RAB12: variants seen among roughly 807,000 people sequenced by gnomAD.
RAB12 encodes RAB12, member RAS oncogene family.
Under a neutral mutation model 28.4 loss-of-function variants are expected in RAB12, and 11 were observed. The observed-to-expected ratio is 0.39, with a 90% confidence interval of 0.24 to 0.64. The LOEUF (loss-of-function observed/expected upper bound fraction) is 0.64, where lower values mean the gene tolerates loss of function less well. RAB12 is among the 30% of genes least tolerant of loss of function. The pLI is 0.50. For synonymous variants in RAB12, 138 were observed against 145.3 expected (o/e 0.95, Z 0.36); for missense variants, 276 against 351.1 (o/e 0.79, Z 1.71).
In RAB12 at chr18:8,633,080, G is replaced by A. The variant is rs550512408; in HGVS notation, c.576-109G>A. 53 of 1,396,694 alleles carry A rather than the reference G, an allele frequency of 3.8e-5. No homozygotes were observed. The East Asian group carries it at 5.3e-4, about 14-fold the overall frequency. The allele number at this position is 1,396,694 out of a possible 1,614,324, so 86.5% of individuals were successfully genotyped here. On this transcript the variant is annotated intron_variant, in intron 2 of 5. Transcript: ENST00000649141. ...TCAAAGGGAAATAGGGGTTACTCTC[G>A]TTCTTTTTTCGCAGAAAAACTGCAG...
intron 2 of RAB12, 138 bp from the exon 3 acceptor site, chr18:8,633,051 C>CA: frequency 1.0e-6 from 1 of 980,130 alleles, no homozygotes; most frequent in Non-Finnish European, 1.6e-6. Flanking sequence ...GTGTGGTCAT[C>CA]AGGTCAAAGG....
Position 8,636,363 on chromosome 18 carries a change from A to G in RAB12, c.909+6A>G, listed in dbSNP as rs1567897955. The stretch of plus-strand genomic sequence containing the variant: ...TCGATGACATTCTGAAAAAGGTAAA[A>G]AAAAGAATCTACATTATAAAAGTAT... On this transcript the variant is annotated splice_donor_region_variant and intron_variant, in intron 5 of 5. Transcript: ENST00000649141. 1 of 1,505,848 alleles carries G rather than the reference A, an allele frequency of 6.6e-7. No individual in the cohort carries two copies. The highest frequency in any genetic ancestry group is 9.2e-7 in the Non-Finnish European group (1 of 1,088,506). The allele number at this position is 1,505,848 out of a possible 1,614,324, so 93.3% of individuals were successfully genotyped here.
At chr18:8,613,081 TTTGTA>T (rs1205907512) in intron 1 of RAB12, among the ~76,000 whole-genome samples, 1 of 152,260 alleles carries the variant, frequency 6.6e-6, no homozygotes, top group African/African-American at 2.4e-5. Flanking sequence ...AATGTTGTTT[TTTGTA>T]TTGTTAATCA....
At chr18:8,628,021 A>G (rs1412821296) in intron 2 of RAB12, among the ~76,000 whole-genome samples, 2 of 152,232 alleles carry the variant, frequency 1.3e-5, no homozygotes, top group African/African-American at 2.4e-5. Context: ...CACAAAAACC[A>G]GATAGAAAAA....
chr18:8,624,077 G>T (rs576935389), intron 1 of RAB12, among the ~76,000 whole-genome samples: 2 of 152,230 alleles, frequency 1.3e-5, no homozygotes, highest in African/African-American at 4.8e-5. Flanking sequence ...CTGCTGGCCC[G>T]GGGAGCTGGG....
In RAB12 at chr18:8,636,084, C is replaced by T. The variant is rs927112154; in HGVS notation, c.805-169C>T. ...TTATTGTCTTTTGTTTTGCTAGTTG[C>T]TTATAATGTAAGAATTTGCTACACT... On this transcript the variant is annotated intron_variant, in intron 4 of 5. Transcript: ENST00000649141. 6.8e-6 allele frequency: 4 copies of T among 592,456 alleles called. No homozygotes were observed. The Admixed American group carries it at 9.3e-5, about 14-fold the overall frequency. 36.7% of individuals were successfully genotyped at this position (592,456 alleles called of 1,614,324 possible).
intron 1 of RAB12, among the ~76,000 whole-genome samples, chr18:8,619,532 A>T (rs1411179482): frequency 6.6e-6 from 1 of 152,214 alleles, no homozygotes; most frequent in Non-Finnish European, 1.5e-5. Context: ...TTGTCTTAAC[A>T]GCTTGGCTGT....
chr18:8,621,802 T>A (rs988605611), intron 1 of RAB12, among the ~76,000 whole-genome samples: 2 of 120,026 alleles, frequency 1.7e-5, no homozygotes, highest in African/African-American at 5.2e-5. Flanking sequence ...CCCCAGTGTC[T>A]GTTCCCTTCT....
chr18:8,633,156 A>G lies in RAB12; in HGVS notation c.576-33A>G, dbSNP rs771080511. On this transcript the variant is annotated intron_variant, in intron 2 of 5. Transcript: ENST00000649141. Reference sequence around the variant, plus strand: ...TGTGATGGTGCTCACTTTGGGCATTATTTGGGAACTGACTTTGGCTGCTTT... The same window carrying G: ...TGTGATGGTGCTCACTTTGGGCATTGTTTGGGAACTGACTTTGGCTGCTTT... 5 of 1,613,322 alleles carry G rather than the reference A, an allele frequency of 3.1e-6. No individual in the cohort carries two copies. In the Admixed American group the frequency reaches 8.4e-5, roughly 27 times the overall value.
At chr18:8,637,118 T>C (rs1159763794) in intron 5 of RAB12, among the ~76,000 whole-genome samples, 1 of 151,882 alleles carries the variant, frequency 6.6e-6, no homozygotes, top group African/African-American at 2.4e-5. Context: ...ATTTAAAAAT[T>C]AGCAAGGTGT....
At chr18:8,635,946 G>T in intron 4 of RAB12, 1 of 444,628 alleles carries the variant, frequency 2.2e-6, no homozygotes, top group Non-Finnish European at 4.0e-6. Context: ...TTTTGCTAAG[G>T]ATTGAATCAT....
intron 4 of RAB12, chr18:8,636,041 GCATCA>G (rs2096018709): frequency 3.7e-6 from 2 of 537,036 alleles, no homozygotes; most frequent in African/African-American, 3.8e-5. Flanking sequence ...GAAGGTCCCG[GCATCA>G]CCTTCAGGAT....
chr18:8,617,177 C>G (rs1218867435), intron 1 of RAB12, among the ~76,000 whole-genome samples: 1 of 152,218 alleles, frequency 6.6e-6, no homozygotes, highest in Non-Finnish European at 1.5e-5. Flanking sequence ...AAATATCTTA[C>G]ATGTCTGGCA....
intron 1 of RAB12, among the ~76,000 whole-genome samples, chr18:8,615,081 G>A (rs2096006012): frequency 6.6e-6 from 1 of 152,190 alleles, no homozygotes. Context: ...CCCACTGGTG[G>A]GGCCTCGGCC....
chr18:8,609,793 G>A lies in RAB12; in HGVS notation c.354G>A (p.Pro118=). The A allele has an allele frequency of 1.4e-6, 2 of 1,391,994 alleles. No individual in the cohort carries two copies. The highest frequency in any genetic ancestry group is 1.9e-6 in the Non-Finnish European group (2 of 1,073,172). The allele number at this position is 1,391,994 out of a possible 1,614,324, so 86.2% of individuals were successfully genotyped here. A position where few individuals can be genotyped will look rare whatever the true frequency, so the allele number is the denominator to read the frequency against. Residue 118 remains proline, a synonymous_variant, in exon 1 of 6, where the codon CCG becomes CCA. Coordinates refer to ENST00000649141, the MANE Select transcript of RAB12 (RefSeq NM_001025300.3). The part of the protein sequence containing the change: ...GGGGGLGAGS[P]ALSGGQGRRR... ...GCGGCGGTCTGGGCGCGGGCTCCCC[G>A]GCGCTGTCGGGCGGCCAGGGCCGCC...
At position 8,629,976 on chromosome 18, in the gene RAB12, T is replaced by A. The variant is rs144951495; in HGVS notation, c.576-3213T>A. ...GAAATCGCTTTGCAAGTGTTAGTCC[T>A]TCCTGATTGGAAGCCTTCTCCATTG... On this transcript the variant is annotated intron_variant, in intron 2 of 5. Transcript: ENST00000649141. 4.0e-4 allele frequency among the ~76,000 whole-genome samples: 61 copies of A among 152,350 alleles called. No homozygotes were observed. The East Asian group carries it at 0.011, about 28-fold the overall frequency.
chr18:8,633,864 A>C (rs2148711530), intron 3 of RAB12, among the ~76,000 whole-genome samples: 1 of 152,270 alleles, frequency 6.6e-6, no homozygotes, highest in South Asian at 2.1e-4. Context: ...CCTGTGGTTA[A>C]TGTGAACCGT....
intron 1 of RAB12, among the ~76,000 whole-genome samples, chr18:8,620,561 T>G (rs529416576): frequency 1.4e-5 from 2 of 148,008 alleles, no homozygotes; most frequent in East Asian, 3.9e-4. Context: ...TCAGATGCCT[T>G]TTTTTTTTTA....
chr18:8,613,629 T>C (rs1224022187), intron 1 of RAB12, among the ~76,000 whole-genome samples: 1 of 152,184 alleles, frequency 6.6e-6, no homozygotes, highest in Non-Finnish European at 1.5e-5. Context: ...TATGTTACTG[T>C]TGGAAGCTAG....
Sources: allele counts gnomAD v4.1 joint callset (sites outside exome capture counted in the v4.1 genomes callset), GRCh38; gene constraint gnomAD v4.1.1; transcripts MANE v1.5; gene names NCBI Gene and HGNC (gene_info 2026-07-23, HGNC 2026-07-21).